GFRA1: variants seen among roughly 807,000 people sequenced by gnomAD.
GFRA1 encodes GDNF family receptor alpha 1, also known as GDNF family receptor alpha-1.
In GFRA1, 16 loss-of-function variants were observed where a neutral mutation model predicts 51.6. The ratio of observed to expected loss-of-function variants is 0.31; its 90% CI spans 0.21 to 0.47. The LOEUF is 0.47. GFRA1 is among the 20% of genes least tolerant of loss of function. The pLI is 1.00. For missense variants in GFRA1, 530 were observed against 594.3 expected, an observed-to-expected ratio of 0.89 and a Z score of 1.13; for synonymous variants, 270 against 241.3, an observed-to-expected ratio of 1.12 and a Z score of -1.10.
intron 4 of GFRA1, among the ~76,000 whole-genome samples, chr10:116,221,802 T>C (rs542753161): frequency 3.9e-5 from 6 of 152,212 alleles, no homozygotes; most frequent in African/African-American, 1.4e-4. Context: ...AACTTTTCTA[T>C]CTGTGGATTT....
At chr10:116,133,956 G>T (rs934649853) in intron 5 of GFRA1, among the ~76,000 whole-genome samples, 1 of 152,146 alleles carries the variant, frequency 6.6e-6, no homozygotes, top group Non-Finnish European at 1.5e-5. Flanking sequence ...TATCACTGTG[G>T]CCAGCAGCCC....
intron 9 of GFRA1, among the ~76,000 whole-genome samples, chr10:116,077,194 A>T (rs186773491): frequency 6.6e-6 from 1 of 152,210 alleles, no homozygotes; most frequent in African/African-American, 2.4e-5. Context: ...GTGTTCACCT[A>T]GTGCTTGGAA....
chr10:116,188,632 G>A (rs1479614327), intron 5 of GFRA1, among the ~76,000 whole-genome samples: 8 of 152,120 alleles, frequency 5.3e-5, no homozygotes, highest in South Asian at 4.1e-4. Context: ...GGCCGGGCAC[G>A]GTGGCTCACA....
chr10:116,121,370 C>A (rs1957635938), intron 6 of GFRA1, among the ~76,000 whole-genome samples: 1 of 152,150 alleles, frequency 6.6e-6, no homozygotes, highest in African/African-American at 2.4e-5. Context: ...TTTCTGTAGA[C>A]AAGCTTGGAG....
chr10:116,182,184 C>T (rs1589851325), intron 5 of GFRA1, among the ~76,000 whole-genome samples: 2 of 152,034 alleles, frequency 1.3e-5, no homozygotes, highest in African/African-American at 4.8e-5. Flanking sequence ...TCCAGATAAA[C>T]CAATGAAAAG....
At chr10:116,093,648 G>A in intron 8 of GFRA1, 54 bp downstream of exon 8, 1 of 1,524,962 alleles carries the variant, frequency 6.6e-7, no homozygotes, top group East Asian at 2.2e-5. Flanking sequence ...TACAGCTGGA[G>A]CTCGGAGAAG....
At chr10:116,084,761 A>AACACACAC (rs5788130) in intron 9 of GFRA1, among the ~76,000 whole-genome samples, 45 of 140,088 alleles carry the variant, frequency 3.2e-4, no homozygotes, top group East Asian at 1.0e-3. Context: ...TTAAATAAGT[A>AACACACAC]ACACACACAC....
At chr10:116,159,049 C>T (rs1332122540) in intron 5 of GFRA1, among the ~76,000 whole-genome samples, 1 of 152,186 alleles carries the variant, frequency 6.6e-6, no homozygotes, top group African/African-American at 2.4e-5. Context: ...GTGATACAGC[C>T]ACATTTTTTT....
At chr10:116,197,780 T>C (rs1471727635) in intron 5 of GFRA1, among the ~76,000 whole-genome samples, 1 of 152,182 alleles carries the variant, frequency 6.6e-6, no homozygotes, top group Non-Finnish European at 1.5e-5. Flanking sequence ...TTAGCCATGA[T>C]GGCTACAGCA....
At chr10:116,167,491 C>G (rs1342062007) in intron 5 of GFRA1, among the ~76,000 whole-genome samples, 1 of 152,142 alleles carries the variant, frequency 6.6e-6, no homozygotes, top group African/African-American at 2.4e-5. Flanking sequence ...GTTAAAATCC[C>G]TGTGGATTGG....
chr10:116,148,083 T>TGTGTGCATGCAG (rs1958905304), intron 5 of GFRA1, among the ~76,000 whole-genome samples: 1 of 26,008 alleles, frequency 3.8e-5, no homozygotes. Flanking sequence ...TGCATGTGTG[T>TGTGTGCATGCAG]GTGTGCATGC....
chr10:116,203,732 GCAACAATCT>G (rs1447992069), intron 5 of GFRA1, among the ~76,000 whole-genome samples: 1 of 152,218 alleles, frequency 6.6e-6, no homozygotes, highest in Non-Finnish European at 1.5e-5. Flanking sequence ...TCCCCAGTGA[GCAACAATCT>G]CAACTGGGAA....
At chr10:116,183,669 C>T (rs1264335896) in intron 5 of GFRA1, among the ~76,000 whole-genome samples, 2 of 152,158 alleles carry the variant, frequency 1.3e-5, no homozygotes, top group Non-Finnish European at 2.9e-5. Flanking sequence ...CAGGTTGGGA[C>T]ACTTGGTCTT....
At chr10:116,255,950 TC>T (rs987348623) in intron 4 of GFRA1, among the ~76,000 whole-genome samples, 1 of 152,142 alleles carries the variant, frequency 6.6e-6, no homozygotes, top group African/African-American at 2.4e-5. Context: ...ACTCAAATCA[TC>T]TACTATTCCT....
intron 4 of GFRA1, among the ~76,000 whole-genome samples, chr10:116,221,611 G>T (rs759638818): frequency 6.6e-6 from 1 of 152,174 alleles, no homozygotes; most frequent in Non-Finnish European, 1.5e-5. Context: ...TTTTAGCAGA[G>T]ATGTGGTTTC....
chr10:116,123,973 C>G (rs992743129), intron 6 of GFRA1, among the ~76,000 whole-genome samples: 4 of 152,336 alleles, frequency 2.6e-5, no homozygotes, highest in Admixed American at 2.6e-4. Context: ...GGCATGATCT[C>G]TGCTCACTGC....
chr10:116,262,530 C>A (rs904287382), intron 4 of GFRA1, among the ~76,000 whole-genome samples: 1 of 151,994 alleles, frequency 6.6e-6, no homozygotes, highest in Non-Finnish European at 1.5e-5. Flanking sequence ...CATGTATGTA[C>A]ATACACATCT....
At chr10:116,092,323 T>C (rs1046968666) in intron 8 of GFRA1, among the ~76,000 whole-genome samples, 1 of 152,180 alleles carries the variant, frequency 6.6e-6, no homozygotes. Context: ...TTGAAGTGTC[T>C]GGTAAGCAAA....
chr10:116,168,963 T>C lies in GFRA1; in HGVS notation c.433+42668A>G, dbSNP rs74455599. The stretch of plus-strand genomic sequence containing the variant: ...TGAAAACAAAACCCTTAGTGATATT[T>C]AGACATGGGTTCCAGACAGGGCAGT... On this transcript the variant is annotated intron_variant, in intron 5 of 10. Coordinates refer to ENST00000355422, the MANE Select transcript of GFRA1 (RefSeq NM_005264.8). 3.0e-3 allele frequency among the ~76,000 whole-genome samples: 453 copies of C among 152,330 alleles called. 3 individuals are homozygous for C. Among genetic ancestry groups the C allele is most frequent in the African/African-American group, 0.011 (440 of 41,580 alleles).
Sources: gnomAD v4.1 joint callset for allele counts (sites outside exome capture counted in the v4.1 genomes callset) on GRCh38, gnomAD v4.1.1 for gene constraint, MANE v1.5 for transcripts, NCBI Gene and HGNC (gene_info 2026-07-23, HGNC 2026-07-21) for gene names.